The following PTPRN2 variants were observed in gnomAD, a reference collection of about 807,000 sequenced individuals.
PTPRN2 encodes the protein receptor-type tyrosine-protein phosphatase N2.
PTPRN2 carries 74 observed loss-of-function variants against 118.8 expected under a neutral mutation model. That is an observed-to-expected ratio of 0.62 (90% CI 0.52 to 0.76). The LOEUF is 0.76. Among genes scored for constraint, PTPRN2 ranks in the 30% least tolerant of loss-of-function variants. The pLI is 0.00. For synonymous variants in PTPRN2, 641 were observed against 608.0 expected (o/e 1.05, Z -0.80); for missense variants, 1,481 against 1,394.4 (o/e 1.06, Z -0.99).
chr7:157,805,380 G>T (rs1173931461), intron 12 of PTPRN2, among the ~76,000 whole-genome samples: 2 of 151,854 alleles, frequency 1.3e-5, no homozygotes, highest in African/African-American at 4.8e-5. Flanking sequence ...AGCTCATCAG[G>T]AATGAAAGGT....
intron 1 of PTPRN2, among the ~76,000 whole-genome samples, chr7:158,542,482 G>C (rs1826045506): frequency 6.6e-6 from 1 of 152,168 alleles, no homozygotes; most frequent in African/African-American, 2.4e-5. Flanking sequence ...CTCTTACTGG[G>C]ACATAAGAAA....
chr7:158,441,651 G>GGCA (rs1817266997), intron 2 of PTPRN2, among the ~76,000 whole-genome samples: 1 of 113,392 alleles, frequency 8.8e-6, no homozygotes, highest in African/African-American at 3.5e-5. Context: ...TGGCAATGGT[G>GGCA]GTGATGGTGA....
intron 6 of PTPRN2, among the ~76,000 whole-genome samples, chr7:158,155,649 T>C (rs1037552381): frequency 4.8e-5 from 1 of 20,930 alleles, no homozygotes; most frequent in Non-Finnish European, 1.0e-4. Flanking sequence ...ACCGTCATCA[T>C]TGCCATCATC....
intron 3 of PTPRN2, among the ~76,000 whole-genome samples, chr7:158,270,823 TCCACCTGGATGACCCCCTCACCTGGACCG>T (rs1798338812): frequency 1.0e-4 from 1 of 9,586 alleles, no homozygotes; most frequent in Non-Finnish European, 1.7e-4. Flanking sequence ...GACCGCCCCC[TCCACCTGGATGACCCCCTCACCTGGACCG>T]CCCCCCCACC....
At chr7:158,377,984 G>A (rs935579638) in intron 2 of PTPRN2, among the ~76,000 whole-genome samples, 2 of 152,118 alleles carry the variant, frequency 1.3e-5, no homozygotes, top group Non-Finnish European at 2.9e-5. Context: ...CAGTCCTGGC[G>A]CTAGCTCCGG....
chr7:158,179,622 T>C (rs1009392995), intron 5 of PTPRN2, among the ~76,000 whole-genome samples: 4 of 152,202 alleles, frequency 2.6e-5, no homozygotes, highest in Non-Finnish European at 5.9e-5. Context: ...TTTCAGGTCT[T>C]AGATTTAAGT....
chr7:157,614,967 G>A (rs1802660400), intron 15 of PTPRN2, among the ~76,000 whole-genome samples: 1 of 152,182 alleles, frequency 6.6e-6, no homozygotes, highest in African/African-American at 2.4e-5. Flanking sequence ...GGGCACTGAG[G>A]GATTGTTGTT....
intron 1 of PTPRN2, among the ~76,000 whole-genome samples, chr7:158,536,539 G>C (rs952521473): frequency 4.2e-5 from 6 of 144,114 alleles, no homozygotes; most frequent in Admixed American, 2.7e-4. Context: ...GACTCAGGAA[G>C]ACACAAGGAC....
intron 12 of PTPRN2, among the ~76,000 whole-genome samples, chr7:157,706,478 C>T (rs781067130): frequency 2.4e-4 from 37 of 151,910 alleles, no homozygotes; most frequent in Non-Finnish European, 4.9e-4. Context: ...AAATCTCATG[C>T]CAGTGCTTTC....
chr7:158,445,636 G>A (rs544299904), intron 2 of PTPRN2, among the ~76,000 whole-genome samples: 1 of 152,346 alleles, frequency 6.6e-6, no homozygotes, highest in East Asian at 1.9e-4. Context: ...GGGCAAAGGT[G>A]CAGGGCTGAA....
chr7:158,155,478 CCAT>C (rs1418696360), intron 6 of PTPRN2, among the ~76,000 whole-genome samples: 69 of 123,462 alleles, frequency 5.6e-4, no homozygotes, highest in African/African-American at 1.8e-3. Context: ...ATCACCATCA[CCAT>C]CATCATCACC....
intron 11 of PTPRN2, among the ~76,000 whole-genome samples, chr7:157,962,378 G>T (rs1801607070): frequency 6.6e-6 from 1 of 152,106 alleles, no homozygotes. Flanking sequence ...TCCCCTTCCC[G>T]TTTCCTGTTC....
At chr7:157,956,795 G>A (rs142022549) in intron 11 of PTPRN2, among the ~76,000 whole-genome samples, 13 of 152,352 alleles carry the variant, frequency 8.5e-5, no homozygotes, top group Non-Finnish European at 1.8e-4. Flanking sequence ...CAGAAGGCCT[G>A]ACTGCTTTTG....
At chr7:158,248,360 G>A (rs541687645) in intron 3 of PTPRN2, among the ~76,000 whole-genome samples, 27 of 152,292 alleles carry the variant, frequency 1.8e-4, no homozygotes, top group Admixed American at 4.6e-4. Context: ...GGGGTACCCC[G>A]ACCACGTGGG....
chr7:157,979,966 T>C (rs138446360), intron 11 of PTPRN2, among the ~76,000 whole-genome samples: 1 of 152,322 alleles, frequency 6.6e-6, no homozygotes, highest in Non-Finnish European at 1.5e-5. Flanking sequence ...TAGTGTGTTG[T>C]ATAGCATCAG....
At chr7:157,720,346 G>C (rs149679980) in intron 12 of PTPRN2, among the ~76,000 whole-genome samples, 8 of 152,152 alleles carry the variant, frequency 5.3e-5, no homozygotes, top group Non-Finnish European at 1.2e-4. Flanking sequence ...TCCAATGTCC[G>C]ACCTCTGGGG....
chr7:157,952,459 G>A (rs1188445896), intron 11 of PTPRN2, among the ~76,000 whole-genome samples: 1 of 123,226 alleles, frequency 8.1e-6, no homozygotes, highest in East Asian at 2.1e-4. Flanking sequence ...GCATGCCTGA[G>A]ACGGGGTGGG....
chr7:157,717,510 G>A (rs1269872179), intron 12 of PTPRN2, among the ~76,000 whole-genome samples: 1 of 152,272 alleles, frequency 6.6e-6, no homozygotes, highest in Non-Finnish European at 1.5e-5. Flanking sequence ...GACCGCGGAA[G>A]CCAGTGCCCT....
chr7:158,013,718 G>A (rs62639091), intron 11 of PTPRN2, among the ~76,000 whole-genome samples: 1 of 106,688 alleles, frequency 9.4e-6, no homozygotes, highest in African/African-American at 4.0e-5. Flanking sequence ...CATCCATCCA[G>A]CCAGCCACCC....
Sources: gnomAD v4.1 joint callset for allele counts (sites outside exome capture counted in the v4.1 genomes callset) on GRCh38, gnomAD v4.1.1 for gene constraint, MANE v1.5 for transcripts, NCBI Gene and HGNC (gene_info 2026-07-23, HGNC 2026-07-21) for gene names.